Variants in NCK1 observed in about 807,000 individuals in gnomAD.
NCK1 encodes SH2/SH3 adapter protein NCK1.
Under a neutral mutation model 36.6 loss-of-function variants are expected in NCK1, and 19 were observed. The observed-to-expected ratio is 0.52, with a 90% CI of 0.36 to 0.76. The LOEUF (loss-of-function observed/expected upper bound fraction) is 0.76. Ranked by LOEUF, NCK1 falls within the 30% of genes least tolerant of loss-of-function variation. The pLI is 0.00. For synonymous variants in NCK1, 165 were observed against 156.0 expected, an observed-to-expected ratio of 1.06 and a Z score of -0.43; for missense variants, 358 against 445.6, an observed-to-expected ratio of 0.80 and a Z score of 1.77.
At chr3:136,893,051 C>T (rs1407778166) in intron 1 of NCK1, among the ~76,000 whole-genome samples, 6 of 149,610 alleles carry the variant, frequency 4.0e-5, no homozygotes, top group South Asian at 2.1e-4. Context: ...TTTTCCATTC[C>T]TGAGTTACTT....
intron 1 of NCK1, among the ~76,000 whole-genome samples, chr3:136,864,449 A>G (rs771159703): frequency 1.3e-5 from 2 of 152,066 alleles, no homozygotes; most frequent in Non-Finnish European, 2.9e-5. Context: ...CAAGATCGCC[A>G]CTGCACTCCA....
At chr3:136,901,529 A>G (rs1263327952) in intron 1 of NCK1, among the ~76,000 whole-genome samples, 1 of 151,276 alleles carries the variant, frequency 6.6e-6, no homozygotes, top group Non-Finnish European at 1.5e-5. Context: ...TTGTTGGGAG[A>G]CTTTATTACT....
intron 2 of NCK1, among the ~76,000 whole-genome samples, chr3:136,941,400 G>A (rs2108146565): frequency 6.6e-6 from 1 of 152,098 alleles, no homozygotes; most frequent in South Asian, 2.1e-4. Context: ...AAAGTGCTGG[G>A]ATTACAGGTG....
In NCK1 at chr3:136,945,923, G is replaced by A. The variant is rs1232252161; in HGVS notation, c.567G>A (p.Gly189=). ...CAGTCGTCAATAACCTAAATACTGG[G>A]CAAGTGTTGCATGTGGTACAGGCTC... ...LAAVVNNLNT[G]QVLHVVQALY... Residue 189 remains glycine, a synonymous_variant, in exon 3 of 4, where the codon GGG becomes GGA. Coordinates refer to ENST00000481752, the MANE Select transcript of NCK1 (RefSeq NM_001291999.2). 1.9e-6 allele frequency: 3 copies of A among 1,614,030 alleles called. No individual in the cohort carries two copies. The highest frequency in any genetic ancestry group is 1.3e-5 in the African/African-American group (1 of 74,986).
At chr3:136,901,530 CTT>C (rs1205147161) in intron 1 of NCK1, among the ~76,000 whole-genome samples, 4 of 151,910 alleles carry the variant, frequency 2.6e-5, no homozygotes. Flanking sequence ...TGTTGGGAGA[CTT>C]TATTACTGAT....
At chr3:136,939,377 GT>G (rs775144130) in intron 2 of NCK1, among the ~76,000 whole-genome samples, 2 of 151,982 alleles carry the variant, frequency 1.3e-5, no homozygotes, top group African/African-American at 2.4e-5. Flanking sequence ...TAGCTAAAGA[GT>G]TTTCAATTTT....
At chr3:136,896,663 T>C (rs1313974511) in intron 1 of NCK1, among the ~76,000 whole-genome samples, 3 of 152,020 alleles carry the variant, frequency 2.0e-5, no homozygotes, top group Non-Finnish European at 4.4e-5. Flanking sequence ...CCTGGCTAAT[T>C]AAAAAAGAAT....
At chr3:136,921,999 GGT>G in intron 1 of NCK1, among the ~76,000 whole-genome samples, 1 of 152,136 alleles carries the variant, frequency 6.6e-6, no homozygotes, top group East Asian at 1.9e-4. Flanking sequence ...TGGCCAGGAT[GGT>G]CTTAGTTTCC....
At chr3:136,910,915 C>A (rs571200472) in intron 1 of NCK1, among the ~76,000 whole-genome samples, 58 of 152,180 alleles carry the variant, frequency 3.8e-4, no homozygotes, top group Non-Finnish European at 6.2e-4. Context: ...TTGACCAACA[C>A]CTTCCCATCC....
At chr3:136,926,686 A>G (rs764299423) in intron 1 of NCK1, among the ~76,000 whole-genome samples, 2 of 152,174 alleles carry the variant, frequency 1.3e-5, no homozygotes, top group Non-Finnish European at 2.9e-5. Flanking sequence ...ATTTACTTCT[A>G]AGTATTTTCA....
intron 2 of NCK1, among the ~76,000 whole-genome samples, chr3:136,943,044 G>A (rs1203970565): frequency 6.6e-6 from 1 of 152,158 alleles, no homozygotes; most frequent in East Asian, 1.9e-4. Context: ...TTGGGGTGTG[G>A]GGGATGGTGG....
At chr3:136,888,487 C>G (rs1017602198) in intron 1 of NCK1, among the ~76,000 whole-genome samples, 3 of 151,920 alleles carry the variant, frequency 2.0e-5, no homozygotes, top group Non-Finnish European at 2.9e-5. Flanking sequence ...ACTGCAACCT[C>G]TGCCTCCCAG....
intron 2 of NCK1, among the ~76,000 whole-genome samples, chr3:136,940,291 G>A (rs941713063): frequency 2.6e-5 from 4 of 152,158 alleles, no homozygotes; most frequent in African/African-American, 4.8e-5. Context: ...ATTAGGTCTA[G>A]TTGGTTTATA....
At chr3:136,933,687 G>A (rs939539262) in intron 2 of NCK1, among the ~76,000 whole-genome samples, 3 of 148,554 alleles carry the variant, frequency 2.0e-5, no homozygotes, top group African/African-American at 7.4e-5. Context: ...GCTATATAAT[G>A]CAAGAATAAA....
intron 2 of NCK1, among the ~76,000 whole-genome samples, chr3:136,935,097 T>G (rs1940495604): frequency 6.6e-6 from 1 of 152,020 alleles, no homozygotes; most frequent in African/African-American, 2.4e-5. Flanking sequence ...TGACAGGGTT[T>G]CGCATGTTGG....
At chr3:136,921,675 AAG>A (rs534781475) in intron 1 of NCK1, among the ~76,000 whole-genome samples, 73 of 152,342 alleles carry the variant, frequency 4.8e-4, no homozygotes, top group African/African-American at 1.7e-3. Flanking sequence ...TGCAGTAGGG[AAG>A]AGTGTCCAGT....
intron 1 of NCK1, among the ~76,000 whole-genome samples, chr3:136,923,096 C>G (rs1474597592): frequency 2.7e-5 from 4 of 148,296 alleles, no homozygotes; most frequent in South Asian, 4.4e-4. Context: ...ATAGTCTATG[C>G]CTATGTGTAT....
At position 136,930,427 on chromosome 3, in the gene NCK1, A is replaced by G. The variant is rs952681912; in HGVS notation, c.226+2200A>G. ...AAGAGAAGCCTCAGAAAAATTTTCTATTGCCTGGGTGTGGGCCAGGTCACA... is the reference window on the plus strand; with the variant it reads ...AAGAGAAGCCTCAGAAAAATTTTCTGTTGCCTGGGTGTGGGCCAGGTCACA... On this transcript the variant is annotated intron_variant, in intron 2 of 3. Transcript: ENST00000481752. The G allele has an allele frequency of 7.7e-5, 95 of 1,231,052 alleles. No individual in the cohort carries two copies. The African/African-American group carries it at 1.1e-3, about 14-fold the overall frequency. The allele number at this position is 1,231,052 out of a possible 1,614,324, so 76.3% of individuals were successfully genotyped here.
chr3:136,901,661 T>C (rs1939545012), intron 1 of NCK1, among the ~76,000 whole-genome samples: 1 of 152,220 alleles, frequency 6.6e-6, no homozygotes, highest in Non-Finnish European at 1.5e-5. Flanking sequence ...TTTTCCAGTA[T>C]GTTAGTGTAT....
Sources: gnomAD v4.1 joint callset for allele counts (sites outside exome capture counted in the v4.1 genomes callset) on GRCh38, gnomAD v4.1.1 for gene constraint, MANE v1.5 for transcripts, NCBI Gene and HGNC (gene_info 2026-07-23, HGNC 2026-07-21) for gene names.